Variants in KIRREL1 observed in about 807,000 individuals in gnomAD.
KIRREL1 encodes kirre like nephrin family adhesion molecule 1.
A neutral mutation model predicts 83.3 loss-of-function variants in KIRREL1; 25 were observed. The observed-to-expected ratio is 0.30, with a 90% CI of 0.22 to 0.42. The LOEUF is 0.42. Ranked by LOEUF, KIRREL1 falls within the 10% of genes least tolerant of loss-of-function variation. The pLI is 1.00. For synonymous variants in KIRREL1, 388 were observed against 410.4 expected (o/e 0.95, Z 0.66); for missense variants, 812 against 1,032.3 (o/e 0.79, Z 2.92).
rs553429933 is a variant in KIRREL1 at position 158,080,964 on chromosome 1, A to G, written c.352+2824A>G. 3.0e-4 allele frequency among the ~76,000 whole-genome samples: 29 copies of G among 97,842 alleles called. 6 individuals are homozygous for G. In the South Asian group the frequency reaches 4.4e-3, roughly 15 times the overall value. The allele number at this position is 97,842 out of a possible 152,430, so 64.2% of individuals were successfully genotyped here. A position where few individuals can be genotyped will look rare whatever the true frequency, so the allele number is the denominator to read the frequency against. On this transcript the variant is annotated intron_variant, in intron 3 of 14. Coordinates refer to ENST00000359209, the MANE Select transcript of KIRREL1 (RefSeq NM_018240.7). ...GAGTGGGCTGTGCCCAGTGCCTGGT[A>G]TCAGCCTCCCTGCATGATGTCAGCC...
rs1258287519 is a variant in KIRREL1, at chr1:158,095,110, C to G, written c.2264C>G (p.Thr755Ser). The G allele has an allele frequency of 6.3e-7, 1 of 1,597,050 alleles. No individual in the cohort carries two copies. The highest frequency in any genetic ancestry group is 8.6e-7 in the Non-Finnish European group (1 of 1,168,834). Residue 755 changes from threonine (T) to serine (S), a missense_variant, in exon 15 of 15, where the codon ACT becomes AGT. This residue lies in a region of KIRREL1 where 334 missense variants were observed against 383.7 expected (regional missense o/e 0.87). Transcript: ENST00000359209. The part of the protein sequence containing the change: ...YGQRFQQRMQ[T>S]HV The stretch of plus-strand genomic sequence containing the variant: ...CAGCGATTCCAGCAGCGCATGCAGA[C>G]TCACGTGTAGGGGCCAGAGCCTGGC...
intron 3 of KIRREL1, among the ~76,000 whole-genome samples, chr1:158,083,479 A>G (rs1239371554): frequency 6.6e-6 from 1 of 152,240 alleles, no homozygotes; most frequent in Non-Finnish European, 1.5e-5. Context: ...AAGCACTGCA[A>G]TGCAGGTCTT....
chr1:158,005,112 ACCAAGCTCTCG>A (rs1659479386), intron 1 of KIRREL1, among the ~76,000 whole-genome samples: 1 of 152,180 alleles, frequency 6.6e-6, no homozygotes, highest in Admixed American at 6.5e-5. Flanking sequence ...CTGTATTTGC[ACCAAGCTCTCG>A]GGTGATGCTG....
intron 11 of KIRREL1, 51 bp downstream of exon 11, chr1:158,091,607 C>T: frequency 1.9e-6 from 3 of 1,564,586 alleles, no homozygotes; most frequent in Non-Finnish European, 2.6e-6. Flanking sequence ...CCTGAGGATT[C>T]TGCTCCTTCT....
intron 1 of KIRREL1, among the ~76,000 whole-genome samples, chr1:158,024,000 T>G (rs1406732513): frequency 6.6e-6 from 1 of 152,090 alleles, no homozygotes; most frequent in Non-Finnish European, 1.5e-5. Context: ...CAGGCTGGAG[T>G]GCAGTGGCAT....
At chr1:158,053,772 T>C (rs548963375) in intron 1 of KIRREL1, among the ~76,000 whole-genome samples, 6 of 152,346 alleles carry the variant, frequency 3.9e-5, no homozygotes, top group South Asian at 2.1e-4. Context: ...CCTTATTCTA[T>C]GGGACTGAGC....
chr1:157,997,671 G>C (rs1659243822), intron 1 of KIRREL1, among the ~76,000 whole-genome samples: 1 of 152,146 alleles, frequency 6.6e-6, no homozygotes. Flanking sequence ...GGAAGAGGTT[G>C]GCACTTGAGT....
chr1:158,036,956 C>A (rs954227720), intron 1 of KIRREL1, among the ~76,000 whole-genome samples: 3 of 152,190 alleles, frequency 2.0e-5, no homozygotes, highest in African/African-American at 7.2e-5. Context: ...CTGGAGTGAA[C>A]CACCCGGAGT....
chr1:158,072,025 C>G lies in KIRREL1; in HGVS notation c.53-4088C>G, dbSNP rs190416957. Among the ~76,000 whole-genome samples the G allele has an allele frequency of 2.9e-3, 437 of 152,270 alleles. 4 individuals are homozygous for G. The highest frequency in any genetic ancestry group is 0.01 in the African/African-American group (417 of 41,538). On this transcript the variant is annotated intron_variant, in intron 1 of 14. Coordinates refer to ENST00000359209, the MANE Select transcript of KIRREL1 (RefSeq NM_018240.7). The stretch of plus-strand genomic sequence containing the variant: ...TCACTGCTCACTTTCTAGGCTTTCT[C>G]CTCTGCTCTCCCACATCCCCCTCGC...
At chr1:158,052,278 G>A (rs1210371387) in intron 1 of KIRREL1, among the ~76,000 whole-genome samples, 1 of 152,102 alleles carries the variant, frequency 6.6e-6, no homozygotes, top group African/African-American at 2.4e-5. Flanking sequence ...CTCCTGCCTG[G>A]AGGAACTGTC....
intron 11 of KIRREL1, 62 bp from the exon 12 acceptor site, chr1:158,093,277 C>A: frequency 7.1e-7 from 1 of 1,414,416 alleles, no homozygotes; most frequent in Non-Finnish European, 1.0e-6. Flanking sequence ...TTAGCCAGCA[C>A]TGAGCTTAGC....
At chr1:158,002,282 C>A (rs1000247226) in intron 1 of KIRREL1, among the ~76,000 whole-genome samples, 7 of 152,222 alleles carry the variant, frequency 4.6e-5, no homozygotes, top group Non-Finnish European at 7.3e-5. Context: ...CCTGTCCCCC[C>A]CAAGCTTGGG....
intron 1 of KIRREL1, among the ~76,000 whole-genome samples, chr1:158,010,330 C>CACAT (rs1659637899): frequency 7.5e-6 from 1 of 133,788 alleles, no homozygotes; most frequent in Admixed American, 7.7e-5. Flanking sequence ...ACCATAAACA[C>CACAT]ACACACACAC....
At chr1:158,086,892 C>A in intron 5 of KIRREL1, 146 bp downstream of exon 5, 1 of 768,322 alleles carries the variant, frequency 1.3e-6, no homozygotes, top group Non-Finnish European at 2.1e-6. Flanking sequence ...ATCTTTCATT[C>A]CCTGGATTGA....
At chr1:158,080,110 C>A (rs1002822581) in intron 3 of KIRREL1, among the ~76,000 whole-genome samples, 2 of 152,116 alleles carry the variant, frequency 1.3e-5, no homozygotes, top group Non-Finnish European at 2.9e-5. Flanking sequence ...GGTGTGTCAG[C>A]CCCATGCTCA....
At chr1:158,058,017 A>G (rs1473218009) in intron 1 of KIRREL1, among the ~76,000 whole-genome samples, 2 of 152,184 alleles carry the variant, frequency 1.3e-5, no homozygotes, top group Non-Finnish European at 2.9e-5. Context: ...CAGTTGATTG[A>G]TTTCACTGGG....
chr1:158,011,279 G>A (rs1659680854), intron 1 of KIRREL1, among the ~76,000 whole-genome samples: 1 of 152,212 alleles, frequency 6.6e-6, no homozygotes, highest in African/African-American at 2.4e-5. Flanking sequence ...CCTGGATTAT[G>A]TTTTGTTAAA....
chr1:158,074,375 T>A (rs1312530799), intron 1 of KIRREL1, among the ~76,000 whole-genome samples: 3 of 152,146 alleles, frequency 2.0e-5, no homozygotes, highest in African/African-American at 7.2e-5. Flanking sequence ...CCCAGCTACC[T>A]CTTTTTCAGA....
chr1:157,997,362 GAA>G (rs1319762307), intron 1 of KIRREL1, among the ~76,000 whole-genome samples: 2 of 152,212 alleles, frequency 1.3e-5, no homozygotes, highest in Non-Finnish European at 2.9e-5. Flanking sequence ...GGCACAGCGA[GAA>G]GTGCTCAGTA....
Sources: allele counts gnomAD v4.1 joint callset (sites outside exome capture counted in the v4.1 genomes callset), GRCh38; gene constraint gnomAD v4.1.1; regional missense constraint gnomAD v4.1.1; transcripts MANE v1.5; gene names NCBI Gene and HGNC (gene_info 2026-07-23, HGNC 2026-07-21).